The following ABCA6 variants were observed in gnomAD, a reference collection of about 807,000 sequenced individuals.
ABCA6 encodes the protein ATP binding cassette subfamily A member 6, also known as ATP-binding cassette sub-family A member 6.
Under a neutral mutation model 191.2 loss-of-function variants are expected in ABCA6, and 164 were observed. The observed-to-expected ratio is 0.86, with a 90% confidence interval of 0.76 to 0.98. The LOEUF is 0.98. Among genes scored for constraint, ABCA6 ranks in the 50% least tolerant of loss-of-function variants. The pLI is 0.00. For synonymous variants in ABCA6, 636 were observed against 647.7 expected (o/e 0.98, Z 0.27); for missense variants, 1,958 against 1,894.1 (o/e 1.03, Z -0.63).
rs755001858 is a variant in ABCA6 at position 69,098,005 on chromosome 17, C to A, written c.3035G>T (p.Gly1012Val). 3 of 1,610,578 alleles carry A rather than the reference C, an allele frequency of 1.9e-6. No individual in the cohort carries two copies. Among genetic ancestry groups the A allele is most frequent in the Admixed American group, 3.4e-5 (2 of 59,290 alleles). The change falls in exon 23 of 39, where the codon GGG becomes GTG. Residue 1012 changes from glycine (G) to valine (V), a missense_variant. Gly to Val is a moderately radical substitution (Grantham distance 109). Transcript: ENST00000284425. ...FPLSHIGLWTGLPDGSFFLFL... is the reference protein window; with the variant it reads ...FPLSHIGLWTVLPDGSFFLFL... ...TAAGAAAAAGGAACCATCCGGCAAC[C>A]CAGTCCAGAGTCCTATGTGGCTCTG... is the stretch of plus-strand genomic sequence containing the variant.
intron 10 of ABCA6, among the ~76,000 whole-genome samples, chr17:69,119,404 T>C (rs2073596925): frequency 6.6e-6 from 1 of 152,094 alleles, no homozygotes; most frequent in South Asian, 2.1e-4. Flanking sequence ...TGGGTCCCTT[T>C]TAAGTCTTCA....
chr17:69,134,257 T>C (rs900714748), intron 5 of ABCA6, among the ~76,000 whole-genome samples: 1 of 152,170 alleles, frequency 6.6e-6, no homozygotes, highest in Non-Finnish European at 1.5e-5. Context: ...TAATTCCCAT[T>C]GTGATGGTAT....
intron 33 of ABCA6, 27 bp from the exon 34 acceptor site, chr17:69,084,382 TG>T: frequency 6.2e-7 from 1 of 1,614,082 alleles, no homozygotes; most frequent in Non-Finnish European, 8.5e-7. Flanking sequence ...CACCCCTGTT[TG>T]CTGCCATACC....
chr17:69,134,170 A>AG (rs1447675281), intron 5 of ABCA6, among the ~76,000 whole-genome samples: 13 of 152,204 alleles, frequency 8.5e-5, no homozygotes, highest in African/African-American at 2.9e-4. Flanking sequence ...CTGCTTCATT[A>AG]TATAACCACA....
intron 4 of ABCA6, chr17:69,135,733 C>A: frequency 2.7e-6 from 1 of 370,468 alleles, no homozygotes; most frequent in Non-Finnish European, 4.8e-6. Context: ...CTATTAGGAA[C>A]CCCTGGTCTA....
intron 22 of ABCA6, chr17:69,099,769 C>T (rs2073132411): frequency 6.5e-6 from 1 of 153,708 alleles, no homozygotes; most frequent in South Asian, 2.0e-4. Flanking sequence ...TCATACTCAA[C>T]TCACGGAGGT....
chr17:69,127,296 T>C (rs189479097), intron 8 of ABCA6, among the ~76,000 whole-genome samples: 3 of 152,162 alleles, frequency 2.0e-5, no homozygotes, highest in Admixed American at 6.5e-5. Flanking sequence ...ACTTGAAAAA[T>C]TGGACCTTAT....
rs1313651033 is a variant in ABCA6, at chr17:69,133,649, T to G, written c.783A>C (p.Ser261=). 1 of 1,581,222 alleles carries G rather than the reference T, an allele frequency of 6.3e-7. No homozygotes were observed. The highest frequency in any genetic ancestry group is 1.2e-5 in the South Asian group (1 of 86,410). ...TTGAATTAGTCACTCACCAGAATGC[T>G]GAATCTTGGAGACCCATCATTTTCA... The part of the protein sequence containing the change: ...NLMKMMGLQD[S]AFWLSWGLIY... Residue 261 remains serine (S), a synonymous_variant, in exon 6 of 39, where the codon TCA becomes TCC. Coordinates refer to ENST00000284425, the MANE Select transcript of ABCA6 (RefSeq NM_080284.3).
In ABCA6 at chr17:69,079,022, A is replaced by C; in HGVS notation, c.4805T>G (p.Ile1602Ser). Residue 1602 changes from isoleucine (I) to serine (S), a missense_variant, in exon 39 of 39, where the codon ATT becomes AGT. Coordinates refer to ENST00000284425, the MANE Select transcript of ABCA6 (RefSeq NM_080284.3). ...EQEVGNFDEE[I>S]DTTMRWKLLP... ...GAGTTTCCATCTCATTGTTGTATCA[A>C]TTTCTTCATCAAAATTTCCTACTTC... 1 of 1,612,792 alleles carries C rather than the reference A, an allele frequency of 6.2e-7. No homozygotes were observed. The highest frequency in any genetic ancestry group is 8.5e-7 in the Non-Finnish European group (1 of 1,179,440).
At chr17:69,079,712 G>A (rs1288475691) in intron 37 of ABCA6, among the ~76,000 whole-genome samples, 1 of 152,160 alleles carries the variant, frequency 6.6e-6, no homozygotes, top group Non-Finnish European at 1.5e-5. Context: ...ATATCCACAT[G>A]TGCATACTTC....
chr17:69,111,780 C>T (rs114171816), intron 16 of ABCA6: 1,998 of 164,592 alleles, frequency 0.012, 52 homozygotes, highest in African/African-American at 0.045. Context: ...TTACTTTCTG[C>T]CCCTAGATTC....
intron 5 of ABCA6, among the ~76,000 whole-genome samples, chr17:69,134,106 A>G (rs1004906605): frequency 2.6e-5 from 4 of 152,166 alleles, no homozygotes; most frequent in African/African-American, 4.8e-5. Flanking sequence ...CAACCAATAA[A>G]ATTGGTTTTA....
At chr17:69,118,881 A>G (rs2073586326) in intron 10 of ABCA6, among the ~76,000 whole-genome samples, 1 of 152,000 alleles carries the variant, frequency 6.6e-6, no homozygotes, top group Admixed American at 6.6e-5. Flanking sequence ...ATTGATCTTT[A>G]GATTCACACA....
chr17:69,117,763 C>T (rs2073563481), intron 11 of ABCA6, 135 bp downstream of exon 11: 2 of 615,748 alleles, frequency 3.2e-6, no homozygotes, highest in Non-Finnish European at 5.6e-6. Flanking sequence ...TGATTAATGT[C>T]CAAGTGATAG....
intron 19 of ABCA6, 68 bp downstream of exon 19, chr17:69,105,960 A>G: frequency 6.8e-7 from 1 of 1,475,284 alleles, no homozygotes; most frequent in South Asian, 1.4e-5. Flanking sequence ...CTAGTTTTAA[A>G]TTATCTTCTG....
Position 69,102,957 on chromosome 17 carries a change from C to T in ABCA6, c.2752G>A (p.Glu918Lys). 1 of 1,517,580 alleles carries T rather than the reference C, an allele frequency of 6.6e-7. No homozygotes were observed. Among genetic ancestry groups the T allele is most frequent in the African/African-American group, 1.4e-5 (1 of 72,040 alleles). 94.0% of individuals were successfully genotyped at this position (1,517,580 alleles called of 1,614,324 possible). The change falls in exon 21 of 39, where the codon GAA (glutamate) becomes AAA (lysine). Residue 918 changes from glutamate (E) to lysine (K), a missense_variant. Physicochemically the swap from Glu to Lys is moderately conservative, Grantham distance 56. Transcript: ENST00000284425. ...LIINNTESNI[E>K]DFIKSLKHQN... ...TGCTTCAGTGATTTTATAAAATCTT[C>T]AATATTTGATTCTAATATGAAGTTA...
intron 19 of ABCA6, 54 bp from the exon 20 acceptor site, chr17:69,105,682 G>A: frequency 3.1e-6 from 4 of 1,275,426 alleles, no homozygotes; most frequent in Non-Finnish European, 4.4e-6. Context: ...TATTTATTTA[G>A]TAAGACATTC....
rs114773335 is a variant in ABCA6, at chr17:69,125,702, C to A, written c.1120-667G>T. 6.4e-3 allele frequency among the ~76,000 whole-genome samples: 972 copies of A among 152,220 alleles called. 10 individuals carry two copies. Among genetic ancestry groups the A allele is most frequent in the African/African-American group, 0.022 (915 of 41,548 alleles). On this transcript the variant is annotated intron_variant, in intron 8 of 38. Transcript: ENST00000284425. ...CCAGTTCCTTACCCTGCACACTCTA[C>A]AGCTTCTCAGTCTATGTTAAAATGT...
rs757153947 is a variant in ABCA6 at position 69,113,225 on chromosome 17, C to A, written c.2038G>T (p.Ala680Ser). 4 of 1,601,300 alleles carry A rather than the reference C, an allele frequency of 2.5e-6. No individual in the cohort carries two copies. The South Asian group carries it at 4.5e-5, about 18-fold the overall frequency. The change falls in exon 15 of 39, where the codon GCT becomes TCT. Residue 680 changes from alanine (A) to serine (S), a missense_variant. Transcript: ENST00000284425. Reference sequence around the variant, plus strand: ...CTGAGATAAAACCAACAATTACCAGCCAGGATGTCAGCCTCATCCATGGAC... The same window carrying A: ...CTGAGATAAAACCAACAATTACCAGACAGGATGTCAGCCTCATCCATGGAC... The part of the protein sequence containing the change: ...TQSMDEADIL[A>S]DRKVIMSNGR...
Sources: gnomAD v4.1 joint callset for allele counts (sites outside exome capture counted in the v4.1 genomes callset) on GRCh38, gnomAD v4.1.1 for gene constraint, MANE v1.5 for transcripts, NCBI Gene and HGNC (gene_info 2026-07-23, HGNC 2026-07-21) for gene names.